Variants in HTR2C observed in about 807,000 individuals in gnomAD.
HTR2C encodes 5-hydroxytryptamine receptor 2C.
A neutral mutation model predicts 21.0 loss-of-function variants in HTR2C; 5 were observed. The observed-to-expected ratio is 0.24, with a 90% confidence interval of 0.12 to 0.50. The LOEUF (loss-of-function observed/expected upper bound fraction) is 0.50. Ranked by LOEUF, HTR2C falls within the 20% of genes least tolerant of loss-of-function variation. The pLI is 0.98. For missense variants in HTR2C, 271 were observed against 371.2 expected, an observed-to-expected ratio of 0.73 and a Z score of 2.22; for synonymous variants, 150 against 145.3, an observed-to-expected ratio of 1.03 and a Z score of -0.23.
At chrX:114,877,135 A>G (rs1169770569) in intron 5 of HTR2C, among the ~76,000 whole-genome samples, 1 of 110,716 alleles carries the variant, frequency 9.0e-6, no homozygotes, top group African/African-American at 3.3e-5. Context: ...CATTATTGGT[A>G]TATTCAGATT....
chrX:114,645,028 A>C (rs1930310603), intron 2 of HTR2C, among the ~76,000 whole-genome samples: 1 of 110,798 alleles, frequency 9.0e-6, no homozygotes, highest in East Asian at 2.9e-4. Flanking sequence ...ATTATGGGCA[A>C]CTGGAAGGAA....
intron 2 of HTR2C, among the ~76,000 whole-genome samples, chrX:114,649,597 T>C (rs1556408127): frequency 9.0e-6 from 1 of 111,369 alleles, no homozygotes; most frequent in Non-Finnish European, 1.9e-5. Context: ...TATTTTTATT[T>C]ATTTTTGTTG....
chrX:114,731,267 ATTGT>A, intron 3 of HTR2C, 23 bp from the exon 4 acceptor site: 1 of 1,076,106 alleles, frequency 9.3e-7, no homozygotes, highest in Middle Eastern at 2.5e-4. Flanking sequence ...TATGTACCTG[ATTGT>A]TTTTTTTTTT....
At chrX:114,797,911 A>G (rs1288153089) in intron 4 of HTR2C, among the ~76,000 whole-genome samples, 1 of 112,018 alleles carries the variant, frequency 8.9e-6, no homozygotes, top group East Asian at 2.8e-4. Flanking sequence ...TTTTGTAGTT[A>G]TTACCTACAC....
chrX:114,658,639 C>A (rs1556409653), intron 2 of HTR2C, among the ~76,000 whole-genome samples: 1 of 111,112 alleles, frequency 9.0e-6, no homozygotes, highest in Non-Finnish European at 1.9e-5. Context: ...GCTATGAAAT[C>A]TTGAAGTGGA....
intron 4 of HTR2C, among the ~76,000 whole-genome samples, chrX:114,758,477 G>A (rs1280302675): frequency 2.7e-5 from 3 of 110,687 alleles, no homozygotes; most frequent in African/African-American, 9.9e-5. Flanking sequence ...TGGGAGGATG[G>A]GTTGAGCCTG....
intron 2 of HTR2C, among the ~76,000 whole-genome samples, chrX:114,698,246 A>G (rs781887354): frequency 8.9e-6 from 1 of 112,269 alleles, no homozygotes; most frequent in East Asian, 2.8e-4. Context: ...CCACTTGGAT[A>G]AGTCTTTTTG....
At chrX:114,900,416 C>G in intron 5 of HTR2C, 1 of 246,952 alleles carries the variant, frequency 4.0e-6, no homozygotes, top group Non-Finnish European at 7.7e-6. Flanking sequence ...CCTTCTTGTC[C>G]CTTGCTTTGA....
At chrX:114,864,900 C>CTT (rs71947180) in intron 5 of HTR2C, among the ~76,000 whole-genome samples, 65 of 84,732 alleles carry the variant, frequency 7.7e-4, no homozygotes, top group African/African-American at 2.5e-3. Context: ...TTTTCTTTTT[C>CTT]TTTTTTTTTT....
intron 4 of HTR2C, chrX:114,776,144 A>G (rs781929249): frequency 1.6e-4 from 85 of 523,332 alleles, no homozygotes; most frequent in Non-Finnish European, 2.5e-4. Context: ...ATCCTGAATA[A>G]TGAGGATTGA....
chrX:114,814,545 T>A (rs782267166), intron 4 of HTR2C, among the ~76,000 whole-genome samples: 2 of 108,943 alleles, frequency 1.8e-5, no homozygotes, highest in African/African-American at 6.6e-5. Flanking sequence ...ACTTCAGTAC[T>A]ACTAAGAAAA....
chrX:114,835,074 C>A (rs1308654599), intron 4 of HTR2C, among the ~76,000 whole-genome samples: 3 of 97,630 alleles, frequency 3.1e-5, no homozygotes, highest in African/African-American at 1.1e-4. Context: ...CCGAGAGATC[C>A]GCTGTTAGTC....
chrX:114,661,738 G>A (rs1167045249), intron 2 of HTR2C, among the ~76,000 whole-genome samples: 1 of 111,195 alleles, frequency 9.0e-6, no homozygotes, highest in East Asian at 2.8e-4. Flanking sequence ...GGCGTCCAGA[G>A]ATCTCAAATC....
chrX:114,626,190 C>A (rs1477383517), intron 2 of HTR2C, among the ~76,000 whole-genome samples: 5 of 101,666 alleles, frequency 4.9e-5, no homozygotes, highest in Non-Finnish European at 6.0e-5. Flanking sequence ...CCAGCCTAGG[C>A]AACATGTCAA....
intron 2 of HTR2C, among the ~76,000 whole-genome samples, chrX:114,660,926 T>C (rs1930963345): frequency 8.9e-6 from 1 of 112,181 alleles, no homozygotes; most frequent in Admixed American, 9.5e-5. Context: ...CTATTTAAGA[T>C]TATTTATACA....
At chrX:114,782,789 AAC>A (rs1454360516) in intron 4 of HTR2C, among the ~76,000 whole-genome samples, 1 of 111,923 alleles carries the variant, frequency 8.9e-6, no homozygotes, top group East Asian at 2.8e-4. Context: ...AGGCAAGAAT[AAC>A]ATAATTCAAA....
intron 2 of HTR2C, among the ~76,000 whole-genome samples, chrX:114,702,820 C>G (rs782817766): frequency 9.4e-6 from 1 of 106,700 alleles, no homozygotes; most frequent in African/African-American, 3.4e-5. Flanking sequence ...AAACCCATCT[C>G]ACGTGCAGAG....
At chrX:114,779,282 G>C (rs2070091968) in intron 4 of HTR2C, among the ~76,000 whole-genome samples, 1 of 111,164 alleles carries the variant, frequency 9.0e-6, no homozygotes. Flanking sequence ...CTTGTAAAGT[G>C]AATAAAATAG....
rs781968573 is a variant in HTR2C at position 114,648,683 on chromosome X, G to T, written c.-80+34802G>T. 2.7e-5 allele frequency among the ~76,000 whole-genome samples: 3 copies of T among 111,869 alleles called. No homozygotes were observed. In the South Asian group the frequency reaches 1.1e-3, roughly 42 times the overall value. On this transcript the variant is annotated intron_variant, in intron 2 of 5. Coordinates refer to ENST00000276198, the MANE Select transcript of HTR2C (RefSeq NM_000868.4). ...GTTGAGGCCGCAGTGAGCCATGATTGTGCCACTGCGCTCCAACCTGGCAAC... is the reference window on the plus strand; with the variant it reads ...GTTGAGGCCGCAGTGAGCCATGATTTTGCCACTGCGCTCCAACCTGGCAAC...
Sources: gnomAD v4.1 joint callset for allele counts (sites outside exome capture counted in the v4.1 genomes callset) on GRCh38, gnomAD v4.1.1 for gene constraint, MANE v1.5 for transcripts, NCBI Gene and HGNC (gene_info 2026-07-23, HGNC 2026-07-21) for gene names.